Variants in TTC7B observed in about 807,000 individuals in gnomAD.
The protein encoded by TTC7B is tetratricopeptide repeat domain 7B, also known as tetratricopeptide repeat protein 7B.
Under a neutral mutation model 106.8 loss-of-function variants are expected in TTC7B, and 28 were observed. The ratio of observed to expected loss-of-function variants is 0.26; its 90% confidence interval spans 0.19 to 0.36. The LOEUF (loss-of-function observed/expected upper bound fraction) is 0.36. Among genes scored for constraint, TTC7B ranks in the 10% least tolerant of loss-of-function variants. TTC7B has a pLI of 1.00. For missense variants in TTC7B, 862 were observed against 1,076.4 expected, an observed-to-expected ratio of 0.80 and a Z score of 2.79; for synonymous variants, 405 against 430.6, an observed-to-expected ratio of 0.94 and a Z score of 0.74.
At chr14:90,615,522 C>T (rs1340938086) in intron 16 of TTC7B, among the ~76,000 whole-genome samples, 1 of 152,210 alleles carries the variant, frequency 6.6e-6, no homozygotes, top group Non-Finnish European at 1.5e-5. Flanking sequence ...GATTCTTAGG[C>T]GCTTGTTCAT....
chr14:90,644,519 A>C (rs1205952223), intron 14 of TTC7B, among the ~76,000 whole-genome samples: 1 of 152,084 alleles, frequency 6.6e-6, no homozygotes, highest in Non-Finnish European at 1.5e-5. Flanking sequence ...CTGAGTAAAC[A>C]CTTTCTCATT....
chr14:90,651,782 G>A (rs1401655893), intron 13 of TTC7B, among the ~76,000 whole-genome samples: 2 of 152,164 alleles, frequency 1.3e-5, no homozygotes, highest in Non-Finnish European at 2.9e-5. Context: ...AAATGAGACG[G>A]AAGAGTTTCA....
chr14:90,745,417 G>C (rs1889929369), intron 3 of TTC7B, among the ~76,000 whole-genome samples: 1 of 152,026 alleles, frequency 6.6e-6, no homozygotes, highest in South Asian at 2.1e-4. Context: ...GAGATTATAA[G>C]TTTTTCTTAG....
intron 1 of TTC7B, among the ~76,000 whole-genome samples, chr14:90,815,367 G>A (rs547432820): frequency 6.6e-6 from 1 of 152,128 alleles, no homozygotes; most frequent in East Asian, 1.9e-4. Flanking sequence ...CCAGTTAAAG[G>A]GGTCATGAAC....
chr14:90,688,184 T>A (rs1158432215), intron 7 of TTC7B, among the ~76,000 whole-genome samples: 1 of 152,232 alleles, frequency 6.6e-6, no homozygotes, highest in Non-Finnish European at 1.5e-5. Flanking sequence ...AGCCATCATG[T>A]CTTGTCCTTA....
At chr14:90,628,068 C>T (rs750874623) in intron 15 of TTC7B, among the ~76,000 whole-genome samples, 3 of 152,298 alleles carry the variant, frequency 2.0e-5, no homozygotes, top group Non-Finnish European at 2.9e-5. Flanking sequence ...GCTACCTGAG[C>T]GCATGGTGTT....
intron 3 of TTC7B, among the ~76,000 whole-genome samples, chr14:90,754,320 A>G (rs1326705185): frequency 6.6e-6 from 1 of 152,196 alleles, no homozygotes; most frequent in Admixed American, 6.5e-5. Flanking sequence ...CTTTATACGT[A>G]AAGCAGTACA....
At chr14:90,568,327 C>T (rs1176898459) in intron 19 of TTC7B, among the ~76,000 whole-genome samples, 1 of 152,146 alleles carries the variant, frequency 6.6e-6, no homozygotes, top group Non-Finnish European at 1.5e-5. Context: ...GAGGTGGAAC[C>T]TCAATGTCAA....
In TTC7B at chr14:90,608,445, C is replaced by CA; in HGVS notation, c.1966+2296dup. On this transcript the variant is annotated intron_variant, in intron 17 of 19. Transcript: ENST00000328459. This position sits in a 1 kb window ranked among gnomAD's most constrained non-coding sequence, Gnocchi z 5.1. ...AGAAGGACTCGCGTGGATGACTCAACAATGAAACCGTCTGTGGCAGTGCCT... is the reference window on the plus strand; with the variant it reads ...AGAAGGACTCGCGTGGATGACTCAACAAATGAAACCGTCTGTGGCAGTGCCT... 6.6e-6 allele frequency among the ~76,000 whole-genome samples: 1 copy of CA among 152,242 alleles called. No individual in the cohort carries two copies. The highest frequency in any genetic ancestry group is 1.9e-4 in the East Asian group (1 of 5,180).
intron 17 of TTC7B, among the ~76,000 whole-genome samples, chr14:90,610,323 C>T (rs953364725): frequency 1.3e-5 from 2 of 152,212 alleles, no homozygotes; most frequent in African/African-American, 4.8e-5. Context: ...AACCCACCTG[C>T]CACCCTACGG....
intron 8 of TTC7B, among the ~76,000 whole-genome samples, chr14:90,677,460 T>A (rs1886885120): frequency 6.6e-6 from 1 of 152,268 alleles, no homozygotes; most frequent in Non-Finnish European, 1.5e-5. Context: ...TTAATTTCTC[T>A]ACAGATTCCT....
chr14:90,709,962 A>C (rs2139965619), intron 5 of TTC7B, among the ~76,000 whole-genome samples: 1 of 150,034 alleles, frequency 6.7e-6, no homozygotes, highest in East Asian at 1.9e-4. Flanking sequence ...CGTTAAAAAA[A>C]AAAAAACCTT....
At chr14:90,709,952 C>T (rs1276600300) in intron 5 of TTC7B, among the ~76,000 whole-genome samples, 56 of 94,048 alleles carry the variant, frequency 6.0e-4, no homozygotes, top group Admixed American at 4.1e-3. Flanking sequence ...GTTTCTCTTT[C>T]GTTAAAAAAA....
chr14:90,661,116 C>T (rs527990246), intron 9 of TTC7B, among the ~76,000 whole-genome samples: 17 of 152,242 alleles, frequency 1.1e-4, no homozygotes, highest in African/African-American at 3.6e-4. Context: ...AAAGAGAAAG[C>T]GCGTGGCCCT....
intron 12 of TTC7B, 141 bp from the exon 13 acceptor site, chr14:90,653,039 C>T: frequency 1.2e-6 from 1 of 844,458 alleles, no homozygotes; most frequent in South Asian, 1.5e-5. Context: ...CTGCACCAGG[C>T]CCTGGAGAAG....
At chr14:90,791,157 C>T (rs545196062) in intron 1 of TTC7B, among the ~76,000 whole-genome samples, 11 of 152,244 alleles carry the variant, frequency 7.2e-5, no homozygotes, top group African/African-American at 2.6e-4. Flanking sequence ...ATCCTGAGGA[C>T]ACCATTCACC....
At chr14:90,773,485 T>G (rs562843915) in intron 3 of TTC7B, among the ~76,000 whole-genome samples, 1 of 152,264 alleles carries the variant, frequency 6.6e-6, no homozygotes, top group African/African-American at 2.4e-5. Context: ...AGCAGCCTCT[T>G]AACCCCTCCG....
At chr14:90,640,198 G>A (rs1199993960) in intron 15 of TTC7B, among the ~76,000 whole-genome samples, 3 of 152,078 alleles carry the variant, frequency 2.0e-5, no homozygotes, top group African/African-American at 7.2e-5. Flanking sequence ...CATTGAGCTG[G>A]GAGTTTGAGA....
intron 3 of TTC7B, among the ~76,000 whole-genome samples, chr14:90,765,353 C>CT (rs981764855): frequency 1.9e-4 from 29 of 152,142 alleles, no homozygotes; most frequent in African/African-American, 7.0e-4. Flanking sequence ...GTAAAGGTTT[C>CT]TTTTTTGGAG....
Sources: allele counts gnomAD v4.1 joint callset (sites outside exome capture counted in the v4.1 genomes callset), GRCh38; gene constraint gnomAD v4.1.1; non-coding constraint Gnocchi (gnomAD v3.1); transcripts MANE v1.5; gene names NCBI Gene and HGNC (gene_info 2026-07-23, HGNC 2026-07-21).